The following CCNE1 variants were observed in gnomAD, a reference collection of about 807,000 sequenced individuals.
The protein encoded by CCNE1 is cyclin E1, also known as G1/S-specific cyclin-E1.
In CCNE1, 8 loss-of-function variants were observed where a neutral mutation model predicts 54.1. The ratio of observed to expected loss-of-function variants is 0.15; its 90% CI spans 0.09 to 0.27. The LOEUF (loss-of-function observed/expected upper bound fraction) is 0.27, where lower values mean the gene tolerates loss of function less well. CCNE1 is among the 10% of genes least tolerant of loss of function. The pLI, the probability that CCNE1 is intolerant of heterozygous loss-of-function variation, is 1.00. For synonymous variants in CCNE1, 179 were observed against 185.2 expected, an observed-to-expected ratio of 0.97 and a Z score of 0.27; for missense variants, 430 against 514.9, an observed-to-expected ratio of 0.84 and a Z score of 1.60.
chr19:29,819,010 G>A (rs1974091548), intron 6 of CCNE1, among the ~76,000 whole-genome samples: 2 of 152,094 alleles, frequency 1.3e-5, no homozygotes, highest in South Asian at 2.1e-4. Flanking sequence ...TGATCCGCCC[G>A]CCTTGGCCTC....
chr19:29,822,175 G>A, intron 9 of CCNE1, 45 bp downstream of exon 9: 1 of 1,611,916 alleles, frequency 6.2e-7, no homozygotes, highest in Non-Finnish European at 8.5e-7. Flanking sequence ...CCCTGCAGCT[G>A]GAGTGAGGAA....
intron 7 of CCNE1, among the ~76,000 whole-genome samples, 179 bp downstream of exon 7, chr19:29,821,027 GA>G (rs1259163410): frequency 6.6e-6 from 1 of 151,948 alleles, no homozygotes; most frequent in African/African-American, 2.4e-5. Context: ...ACCAGGAAGA[GA>G]AAAGTAGTGA....
chr19:29,820,476 G>A (rs1407526528), intron 6 of CCNE1, among the ~76,000 whole-genome samples: 1 of 151,952 alleles, frequency 6.6e-6, no homozygotes, highest in Non-Finnish European at 1.5e-5. Context: ...GCTTGAGCCT[G>A]GAAGTTGGAG....
At position 29,815,644 on chromosome 19, in the gene CCNE1, G is replaced by C. The variant is rs185609275; in HGVS notation, c.181-1493G>C. Among the ~76,000 whole-genome samples the C allele has an allele frequency of 5.1e-5, 7 of 137,220 alleles. No homozygotes were observed. In the South Asian group the frequency reaches 7.4e-4, roughly 15 times the overall value. The allele number at this position is 137,220 out of a possible 152,430, so 90.0% of individuals were successfully genotyped here. On this transcript the variant is annotated intron_variant, in intron 4 of 11. Coordinates refer to ENST00000262643, the MANE Select transcript of CCNE1 (RefSeq NM_001238.4). ...CTGCTTTTTTTTTTTTTTTTTTGGG[G>C]GGGGGACAGAGTCTTGCTCCGTCAC...
intron 6 of CCNE1, among the ~76,000 whole-genome samples, chr19:29,819,996 A>G (rs1428406285): frequency 6.6e-6 from 1 of 152,264 alleles, no homozygotes; most frequent in Admixed American, 6.5e-5. Context: ...ACTTAAAGAA[A>G]GCACTTCACG....
chr19:29,823,031 G>A (rs909555993), intron 11 of CCNE1, among the ~76,000 whole-genome samples: 1 of 151,650 alleles, frequency 6.6e-6, no homozygotes, highest in African/African-American at 2.4e-5. Context: ...TTAATTAATT[G>A]AAAAAGAAAA....
intron 3 of CCNE1, 29 bp downstream of exon 3, chr19:29,812,805 C>G: frequency 1.2e-5 from 18 of 1,487,518 alleles, no homozygotes; most frequent in Non-Finnish European, 1.6e-5. Flanking sequence ...GGTTGGGGAG[C>G]ATCCCCCCCA....
In CCNE1 at chr19:29,821,898, A is replaced by C. The variant is rs953536696; in HGVS notation, c.705+81A>C. 2.0e-6 allele frequency: 3 copies of C among 1,501,310 alleles called. No individual in the cohort carries two copies. The African/African-American group carries it at 4.1e-5, about 21-fold the overall frequency. The allele number at this position is 1,501,310 out of a possible 1,614,324, so 93.0% of individuals were successfully genotyped here. On this transcript the variant is annotated intron_variant, in intron 8 of 11. Coordinates refer to ENST00000262643, the MANE Select transcript of CCNE1 (RefSeq NM_001238.4). ...CACCTGAAGTGTGAGTGCCTCTGGG[A>C]GGTGTTCTCCAGCTGGACACATTGT... is the stretch of plus-strand genomic sequence containing the variant.
intron 6 of CCNE1, 95 bp downstream of exon 6, chr19:29,817,636 T>C (rs1974056108): frequency 1.5e-6 from 2 of 1,307,012 alleles, no homozygotes; most frequent in Non-Finnish European, 1.1e-6. Flanking sequence ...TCCCTCGACA[T>C]GTTCTCCATC....
Position 29,823,939 on chromosome 19 carries a change from GT to G in CCNE1, c.*168del. The stretch of plus-strand genomic sequence containing the variant: ...TGGATGGCATCAAACAGGGCAAAGT[GT>G]TTTTTATTGAATGCTTATAGGTTTT... On this transcript the variant is annotated 3_prime_UTR_variant, in exon 12 of 12. Transcript: ENST00000262643. 1 of 745,538 alleles carries G rather than the reference GT, an allele frequency of 1.3e-6. No homozygotes were observed. Among genetic ancestry groups the G allele is most frequent in the Non-Finnish European group, 2.0e-6 (1 of 499,320 alleles). The allele number at this position is 745,538 out of a possible 1,614,324, so 46.2% of individuals were successfully genotyped here.
At chr19:29,812,332 C>T (rs1973908704) in intron 1 of CCNE1, among the ~76,000 whole-genome samples, 180 bp downstream of exon 1, 2 of 146,234 alleles carry the variant, frequency 1.4e-5, no homozygotes, top group African/African-American at 2.5e-5. Flanking sequence ...GCCCGGGCCC[C>T]GGGAGGCGAC....
intron 8 of CCNE1, 85 bp downstream of exon 8, chr19:29,821,902 G>C: frequency 2.0e-6 from 3 of 1,510,376 alleles, no homozygotes; most frequent in Non-Finnish European, 2.8e-6. Context: ...TCTGGGAGGT[G>C]TTCTCCAGCT....
At chr19:29,823,450 G>A (rs1974199563) in intron 11 of CCNE1, among the ~76,000 whole-genome samples, 1 of 152,096 alleles carries the variant, frequency 6.6e-6, no homozygotes, top group Non-Finnish European at 1.5e-5. Flanking sequence ...TTGGGAGGCT[G>A]AGGCGGGAGA....
At chr19:29,812,911 T>C in intron 3 of CCNE1, 58 bp from the exon 4 acceptor site, 1 of 1,605,502 alleles carries the variant, frequency 6.2e-7, no homozygotes. Context: ...TCTTCTTCTC[T>C]CTGTTTTTGT....
chr19:29,815,648 G>T (rs1220448299), intron 4 of CCNE1, among the ~76,000 whole-genome samples: 3 of 147,922 alleles, frequency 2.0e-5, no homozygotes, highest in African/African-American at 7.5e-5. Context: ...TTTGGGGGGG[G>T]GACAGAGTCT....
At chr19:29,821,839 G>A (rs543995160) in intron 8 of CCNE1, 22 bp downstream of exon 8, 25 of 1,583,402 alleles carry the variant, frequency 1.6e-5, no homozygotes, top group Non-Finnish European at 9.5e-6. Context: ...TGAATTTTCC[G>A]GCCATTTTTT....
chr19:29,821,580 T>G, intron 7 of CCNE1, 142 bp from the exon 8 acceptor site: 1 of 318,032 alleles, frequency 3.1e-6, no homozygotes. Context: ...TTACAACCAT[T>G]GGTGTGGCTT....
chr19:29,819,772 A>G (rs1974107738), intron 6 of CCNE1, among the ~76,000 whole-genome samples: 1 of 152,204 alleles, frequency 6.6e-6, no homozygotes, highest in African/African-American at 2.4e-5. Flanking sequence ...ACCTTGTAAG[A>G]CTTGAATGGG....
At chr19:29,813,773 T>C (rs564273334) in intron 4 of CCNE1, among the ~76,000 whole-genome samples, 1 of 152,306 alleles carries the variant, frequency 6.6e-6, no homozygotes, top group African/African-American at 2.4e-5. Context: ...CAGAAGTTTC[T>C]TGCAGAAAAA....
Sources: gnomAD v4.1 joint callset for allele counts (sites outside exome capture counted in the v4.1 genomes callset) on GRCh38, gnomAD v4.1.1 for gene constraint, MANE v1.5 for transcripts, NCBI Gene and HGNC (gene_info 2026-07-23, HGNC 2026-07-21) for gene names.